The following CCND3 variants were observed in gnomAD, a reference collection of about 807,000 sequenced individuals.
CCND3 encodes G1/S-specific cyclin-D3.
A neutral mutation model predicts 28.7 loss-of-function variants in CCND3; 9 were observed. The ratio of observed to expected loss-of-function variants is 0.31; its 90% CI spans 0.19 to 0.55. The LOEUF (loss-of-function observed/expected upper bound fraction) is 0.55, where lower values mean the gene tolerates loss of function less well. CCND3 is among the 20% of genes least tolerant of loss of function. The pLI is 0.93. For missense variants in CCND3, 315 were observed against 385.8 expected, an observed-to-expected ratio of 0.82 and a Z score of 1.54; for synonymous variants, 164 against 163.9, an observed-to-expected ratio of 1.00 and a Z score of 0.00.
intron 1 of CCND3, among the ~76,000 whole-genome samples, chr6:42,019,054 T>G (rs1763618186): frequency 6.6e-6 from 1 of 152,162 alleles, no homozygotes; most frequent in Non-Finnish European, 1.5e-5. Flanking sequence ...TCTTGTGTTT[T>G]GGGGCAAACT....
intron 1 of CCND3, among the ~76,000 whole-genome samples, chr6:41,997,409 A>C (rs9394848): frequency 0.98 from 149,022 of 152,082 alleles, 73,074 homozygotes; most frequent in East Asian, 1. Context: ...CAGGTGGCAG[A>C]GTGAAGATGT....
chr6:41,959,855 C>G (rs528389741), intron 1 of CCND3, among the ~76,000 whole-genome samples: 7 of 151,560 alleles, frequency 4.6e-5, no homozygotes, highest in East Asian at 3.9e-4. Flanking sequence ...GCTTGGGAGG[C>G]TGAGGCAGGA....
intron 1 of CCND3, among the ~76,000 whole-genome samples, chr6:41,988,830 CTGG>C (rs1762566585): frequency 6.7e-6 from 1 of 150,242 alleles, no homozygotes; most frequent in Admixed American, 6.7e-5. Flanking sequence ...TCCCGAATAG[CTGG>C]GACTACAGGC....
rs1775902138 is a variant in CCND3 at position 41,939,023 on chromosome 6, G to A, written c.414+1347C>T. On this transcript the variant is annotated intron_variant, in intron 2 of 4. Coordinates refer to ENST00000372991, the MANE Select transcript of CCND3 (RefSeq NM_001760.5). This position sits in a 1 kb window ranked among gnomAD's most constrained non-coding sequence, Gnocchi z 4.2. ...ACCACCTCCATCTTTTCACAAAAAG[G>A]AAGTTCCCCTTCTACCTTCCAGCCC... 6.6e-6 allele frequency among the ~76,000 whole-genome samples: 1 copy of A among 152,116 alleles called. No homozygotes were observed. Among genetic ancestry groups the A allele is most frequent in the Non-Finnish European group, 1.5e-5 (1 of 68,008 alleles).
chr6:42,041,684 G>A (rs1289847348), intron 1 of CCND3, among the ~76,000 whole-genome samples: 1 of 152,156 alleles, frequency 6.6e-6, no homozygotes, highest in Admixed American at 6.5e-5. Flanking sequence ...CCACTTGCCA[G>A]AGTAGAATAA....
rs9471716 is a variant in CCND3, at chr6:41,996,310, C to T, written c.-46+52191G>A. On this transcript the variant is annotated intron_variant, in intron 1 of 4. Transcript: ENST00000372988. The stretch of plus-strand genomic sequence containing the variant: ...GATTACAGGCACACGCCACCATGTC[C>T]GGCTAATTTTCATATTTTCAGTAGA... 4.0e-3 allele frequency among the ~76,000 whole-genome samples: 612 copies of T among 151,620 alleles called. 3 individuals are homozygous for T. Among genetic ancestry groups the T allele is most frequent in the African/African-American group, 0.014 (585 of 41,348 alleles).
Position 42,048,221 on chromosome 6 carries a change from C to G in CCND3, c.-46+280G>C, listed in dbSNP as rs1447403945. 9 of 239,498 alleles carry G rather than the reference C, an allele frequency of 3.8e-5. No homozygotes were observed. Among genetic ancestry groups the G allele is most frequent in the Non-Finnish European group, 7.5e-5 (9 of 120,612 alleles). 14.8% of individuals were successfully genotyped at this position (239,498 alleles called of 1,614,324 possible). ...CCCCATCTTTGAGGCATGAGAAGAC[C>G]AACAGCCCGGTAAAGCCACGGGGCT... On this transcript the variant is annotated intron_variant, in intron 1 of 4. Transcript: ENST00000372988. This position sits in a 1 kb window ranked among gnomAD's most constrained non-coding sequence, Gnocchi z 4.7.
At chr6:42,027,153 C>T (rs1763898715) in intron 1 of CCND3, among the ~76,000 whole-genome samples, 1 of 152,120 alleles carries the variant, frequency 6.6e-6, no homozygotes, top group Non-Finnish European at 1.5e-5. Flanking sequence ...GTTAAGACAC[C>T]ACTAGGCCGG....
intron 1 of CCND3, among the ~76,000 whole-genome samples, chr6:42,019,688 G>A (rs1275008702): frequency 1.3e-5 from 2 of 152,066 alleles, no homozygotes; most frequent in Non-Finnish European, 2.9e-5. Flanking sequence ...GATTTTCCCT[G>A]AGGGATAGGA....
At chr6:42,036,055 A>G (rs752381525) in intron 1 of CCND3, among the ~76,000 whole-genome samples, 4 of 150,834 alleles carry the variant, frequency 2.7e-5, no homozygotes, top group Non-Finnish European at 4.4e-5. Flanking sequence ...CATTGGCCCA[A>G]TGTTAGCTTG....
At chr6:41,994,626 A>G (rs1024605207) in intron 1 of CCND3, among the ~76,000 whole-genome samples, 1 of 152,170 alleles carries the variant, frequency 6.6e-6, no homozygotes, top group Non-Finnish European at 1.5e-5. Flanking sequence ...TTCAGTGATA[A>G]TATATCAACG....
intron 1 of CCND3, among the ~76,000 whole-genome samples, chr6:42,028,971 GTTT>G (rs796486498): frequency 1.5e-5 from 2 of 137,794 alleles, no homozygotes; most frequent in Non-Finnish European, 3.1e-5. Context: ...CCTTGAAACG[GTTT>G]TTTTTTTTTT....
chr6:41,979,866 T>G (rs1223705137), intron 1 of CCND3, among the ~76,000 whole-genome samples: 1 of 151,952 alleles, frequency 6.6e-6, no homozygotes, highest in Non-Finnish European at 1.5e-5. Flanking sequence ...CAACTCCTGG[T>G]CTCAAGTGAT....
At chr6:41,996,124 A>T (rs59871560) in intron 1 of CCND3, among the ~76,000 whole-genome samples, 472 of 14,778 alleles carry the variant, frequency 0.032, 1 homozygote, top group African/African-American at 0.07. Context: ...TATATATATA[A>T]TATATATATA....
rs552699975 is a variant in CCND3 at position 41,936,583 on chromosome 6, C to T, written c.687G>A (p.Leu229=). Residue 229 remains leucine (L), a synonymous_variant, in exon 4 of 5, where the codon CTG becomes CTA. Coordinates refer to ENST00000372991, the MANE Select transcript of CCND3 (RefSeq NM_001760.5). The surrounding 1 kb of genome is among the most constrained non-coding windows in gnomAD (Gnocchi z 4.4). ...CCACTTCAGTGCCAGTGATCCCTGC[C>T]AGCAGCTCTGTGAGCTCATCCCCGG... ...SMSGDELTEL[L]AGITGTEVDC... is the part of the protein sequence containing the mutation. The T allele has an allele frequency of 1.9e-6, 3 of 1,614,212 alleles. No individual in the cohort carries two copies. The highest frequency in any genetic ancestry group is 2.2e-5 in the East Asian group (1 of 44,884).
chr6:41,979,687 A>G (rs1403289633), intron 1 of CCND3, among the ~76,000 whole-genome samples: 1 of 149,336 alleles, frequency 6.7e-6, no homozygotes, highest in Non-Finnish European at 1.5e-5. Flanking sequence ...CTATTTATCT[A>G]TCTCTCTTCA....
At chr6:41,937,755 C>G (rs1339535600) in intron 2 of CCND3, 4 of 282,042 alleles carry the variant, frequency 1.4e-5, no homozygotes, top group Admixed American at 4.8e-5. Flanking sequence ...GCAGCAGATA[C>G]CACAGCATCA....
chr6:42,010,275 G>T (rs1763302354), intron 1 of CCND3, among the ~76,000 whole-genome samples: 1 of 152,180 alleles, frequency 6.6e-6, no homozygotes. Flanking sequence ...AAAGGGAGGG[G>T]GGCAGTGGAA....
intron 1 of CCND3, among the ~76,000 whole-genome samples, chr6:42,030,765 C>A (rs954711789): frequency 2.0e-5 from 3 of 152,176 alleles, no homozygotes; most frequent in African/African-American, 7.2e-5. Flanking sequence ...CTGCCTCCGG[C>A]CACCTGTCCT....
Sources: gnomAD v4.1 joint callset for allele counts (sites outside exome capture counted in the v4.1 genomes callset) on GRCh38, gnomAD v4.1.1 for gene constraint, Gnocchi (gnomAD v3.1) non-coding constraint, MANE v1.5 for transcripts, NCBI Gene and HGNC (gene_info 2026-07-23, HGNC 2026-07-21) for gene names.